CFAP53: variants seen among roughly 807,000 people sequenced by gnomAD.
The protein encoded by CFAP53 is cilia- and flagella-associated protein 53.
CFAP53 carries 62 observed loss-of-function variants against 59.7 expected under a neutral mutation model. The ratio of observed to expected loss-of-function variants is 1.04; its 90% CI spans 0.85 to 1.28. The LOEUF (loss-of-function observed/expected upper bound fraction) is 1.28. Among genes scored for constraint, CFAP53 ranks in the 50% most tolerant of loss-of-function variants. The probability of loss-of-function intolerance (pLI) is 0.00; values close to 1 mark genes in which losing one functional copy is unlikely to be tolerated. For synonymous variants in CFAP53, 218 were observed against 205.7 expected, an observed-to-expected ratio of 1.06 and a Z score of -0.51; for missense variants, 629 against 615.6, an observed-to-expected ratio of 1.02 and a Z score of -0.23.
chr18:50,266,107 G>T (rs2033965289), intron 1 of CFAP53, among the ~76,000 whole-genome samples: 1 of 152,218 alleles, frequency 6.6e-6, no homozygotes. Context: ...AACTTTGGGG[G>T]CAGATGAAAG....
intron 7 of CFAP53, among the ~76,000 whole-genome samples, chr18:50,234,386 T>C (rs532429538): frequency 6.6e-6 from 1 of 152,198 alleles, no homozygotes; most frequent in South Asian, 2.1e-4. Flanking sequence ...AACTCTTATC[T>C]GCCAGGCCCC....
intron 5 of CFAP53, among the ~76,000 whole-genome samples, chr18:50,248,368 G>A (rs1352796823): frequency 6.6e-6 from 1 of 152,198 alleles, no homozygotes; most frequent in African/African-American, 2.4e-5. Context: ...CTCATGTATT[G>A]CTGGTGGGAA....
chr18:50,263,038 G>T (rs1002566323), intron 1 of CFAP53, among the ~76,000 whole-genome samples: 1 of 152,134 alleles, frequency 6.6e-6, no homozygotes, highest in South Asian at 2.1e-4. Flanking sequence ...TACACTTAAT[G>T]AAATCACATA....
intron 5 of CFAP53, among the ~76,000 whole-genome samples, chr18:50,245,586 A>G (rs1237090071): frequency 6.6e-6 from 1 of 152,226 alleles, no homozygotes; most frequent in Non-Finnish European, 1.5e-5. Flanking sequence ...CTGAAAACTA[A>G]GAAACATTAT....
At position 50,237,237 on chromosome 18, in the gene CFAP53, G is replaced by A. The variant is rs189932473; in HGVS notation, c.1316+1366C>T. Among the ~76,000 whole-genome samples, 47 of 136,100 alleles carry A rather than the reference G, an allele frequency of 3.5e-4. No individual in the cohort carries two copies. The East Asian group carries it at 8.1e-3, about 24-fold the overall frequency. The allele number at this position is 136,100 out of a possible 152,430, so 89.3% of individuals were successfully genotyped here. ...AGAGAATTGCTTGAACCCGGGAGTC[G>A]GAGATTGCAGTAAGCCAAGATTACA... On this transcript the variant is annotated intron_variant, in intron 7 of 7. Coordinates refer to ENST00000398545, the MANE Select transcript of CFAP53 (RefSeq NM_145020.5).
chr18:50,254,040 T>C (rs2033824815), intron 3 of CFAP53, among the ~76,000 whole-genome samples: 1 of 152,072 alleles, frequency 6.6e-6, no homozygotes, highest in African/African-American at 2.4e-5. Flanking sequence ...TTTGATTTCA[T>C]TAATATTAAA....
At chr18:50,261,486 G>A (rs998960564) in intron 2 of CFAP53, among the ~76,000 whole-genome samples, 2 of 152,030 alleles carry the variant, frequency 1.3e-5, no homozygotes, top group Non-Finnish European at 1.5e-5. Flanking sequence ...TGACCTCCTG[G>A]GCTCAGGTGA....
chr18:50,266,227 C>T (rs1285472886), intron 1 of CFAP53, 109 bp downstream of exon 1: 9 of 996,040 alleles, frequency 9.0e-6, no homozygotes, highest in Non-Finnish European at 1.1e-5. Context: ...AGGCGACACC[C>T]GTTCCCCTCG....
chr18:50,231,044 C>T (rs990123154), intron 7 of CFAP53, among the ~76,000 whole-genome samples: 15 of 152,134 alleles, frequency 9.9e-5, no homozygotes, highest in Non-Finnish European at 2.2e-4. Context: ...GGACATACAG[C>T]CCTCCTGTGC....
rs2033790370 is a variant in CFAP53 at position 50,250,780 on chromosome 18, G to A, written c.974C>T (p.Ala325Val). The change falls in exon 5 of 8, where the codon GCA becomes GTA. Residue 325 changes from alanine (A) to valine (V), a missense_variant. Coordinates refer to ENST00000398545, the MANE Select transcript of CFAP53 (RefSeq NM_145020.5). The stretch of plus-strand genomic sequence containing the variant: ...TACTCTTTTTTGTTTCTTTTTATCT[G>A]CCTCTTCCTGTAAGTCTTGAAGGGC... ...QRALQDLQEE[A>V]DKKKQKREDM... The A allele has an allele frequency of 9.9e-6, 16 of 1,613,992 alleles. No individual in the cohort carries two copies. Among genetic ancestry groups the A allele is most frequent in the Non-Finnish European group, 1.4e-5 (16 of 1,179,938 alleles).
At chr18:50,253,552 T>C (rs2033820819) in intron 3 of CFAP53, among the ~76,000 whole-genome samples, 1 of 152,176 alleles carries the variant, frequency 6.6e-6, no homozygotes, top group Non-Finnish European at 1.5e-5. Flanking sequence ...ATTAAGTGCT[T>C]ATTATCTGCC....
At chr18:50,251,427 CTG>C (rs2033798107) in intron 4 of CFAP53, 52 bp downstream of exon 4, 1 of 1,488,228 alleles carries the variant, frequency 6.7e-7, no homozygotes, top group Non-Finnish European at 9.1e-7. Flanking sequence ...GGCCTGCAAA[CTG>C]TACTACACCC....
At chr18:50,253,058 C>G (rs2033816157) in intron 3 of CFAP53, among the ~76,000 whole-genome samples, 1 of 151,758 alleles carries the variant, frequency 6.6e-6, no homozygotes, top group South Asian at 2.1e-4. Context: ...GCTCTGTCGC[C>G]CAGGCTGGAG....
In CFAP53 at chr18:50,251,626, G is replaced by T; in HGVS notation, c.632C>A (p.Ala211Asp). 6.2e-7 allele frequency: 1 copy of T among 1,614,130 alleles called. No homozygotes were observed. The highest frequency in any genetic ancestry group is 8.5e-7 in the Non-Finnish European group (1 of 1,180,044). ...CTCTTGGGCTTCTCGCTTTTCCTTGGCTAATCGGTCTTCCTCCCAGAGTTT... is the reference window on the plus strand; with the variant it reads ...CTCTTGGGCTTCTCGCTTTTCCTTGTCTAATCGGTCTTCCTCCCAGAGTTT... ...FSKLWEEDRLAKEKREAQEAR... is the reference protein window; with the variant it reads ...FSKLWEEDRLDKEKREAQEAR... Residue 211 changes from alanine (A) to aspartate (D), a missense_variant, in exon 4 of 8, where the codon GCC becomes GAC. Coordinates refer to ENST00000398545, the MANE Select transcript of CFAP53 (RefSeq NM_145020.5).
chr18:50,237,351 T>TATATATATATATATATAC (rs67836600), intron 7 of CFAP53, among the ~76,000 whole-genome samples: 317 of 16,242 alleles, frequency 0.02, 56 homozygotes, highest in Non-Finnish European at 0.028. Context: ...TATATATATA[T>TATATATATATATATATAC]ACGCACACAT....
chr18:50,243,055 T>G lies in CFAP53; in HGVS notation c.1058A>C (p.Glu353Ala), dbSNP rs768060197. Reference sequence around the variant, plus strand: ...GTCAAATTCTTTCTCCTGAGCTTTTTCTTCCTCACGTCTCTGTGCCAAATA... The same window carrying G: ...GTCAAATTCTTTCTCCTGAGCTTTTGCTTCCTCACGTCTCTGTGCCAAATA... ...HKYLAQRREE[E>A]KAQEKEFDRI... is the part of the protein sequence containing the mutation. The change falls in exon 6 of 8, where the codon GAA becomes GCA. Residue 353 changes from glutamate to alanine, a missense_variant. By Grantham distance (107) the Glu-to-Ala change is moderately radical. Coordinates refer to ENST00000398545, the MANE Select transcript of CFAP53 (RefSeq NM_145020.5). 3 of 1,613,890 alleles carry G rather than the reference T, an allele frequency of 1.9e-6. No individual in the cohort carries two copies. In the South Asian group the frequency reaches 3.3e-5, roughly 18 times the overall value.
In CFAP53 at chr18:50,261,171, GGTTT is replaced by G. The variant is rs756216769; in HGVS notation, c.362_365del (p.Glu121AlafsTer9). On this transcript the variant is annotated frameshift_variant, in exon 3 of 8. Coordinates refer to ENST00000398545, the MANE Select transcript of CFAP53 (RefSeq NM_145020.5). LOFTEE classifies it high-confidence loss of function. Reference sequence around the variant, plus strand: ...TCATCCTATCTTTTTTCTCCTCAATGGTTTCTTTCTTCAATTGCATTTCTGTAAA... The same window carrying G: ...TCATCCTATCTTTTTTCTCCTCAATGCTTTCTTCAATTGCATTTCTGTAAA... 3 of 1,585,118 alleles carry G rather than the reference GGTTT, an allele frequency of 1.9e-6. No individual in the cohort carries two copies. Among genetic ancestry groups the G allele is most frequent in the Non-Finnish European group, 2.6e-6 (3 of 1,171,656 alleles).
At position 50,227,608 on chromosome 18, in the gene CFAP53, G is replaced by T; in HGVS notation, c.1318C>A (p.Arg440Ser). 1 of 1,609,546 alleles carries T rather than the reference G, an allele frequency of 6.2e-7. No individual in the cohort carries two copies. Residue 440 changes from arginine (R) to serine (S), a missense_variant and splice_region_variant, in exon 8 of 8, where the codon CGC (arginine) becomes AGC (serine). By Grantham distance (110) the Arg-to-Ser change is moderately radical. Coordinates refer to ENST00000398545, the MANE Select transcript of CFAP53 (RefSeq NM_145020.5). ...CTGTACTCCTGGGCTAAACGTTGGCGTCTAAAGTATTAGAAATGTCAAAGC... is the reference window on the plus strand; with the variant it reads ...CTGTACTCCTGGGCTAAACGTTGGCTTCTAAAGTATTAGAAATGTCAAAGC... ...NCEEKENFAR[R>S]QRLAQEYRKQ...
intron 6 of CFAP53, among the ~76,000 whole-genome samples, chr18:50,240,012 C>T (rs2033673639): frequency 6.6e-6 from 1 of 152,174 alleles, no homozygotes; most frequent in Non-Finnish European, 1.5e-5. Context: ...CAATTCTTTG[C>T]CTTCTACTTT....
Sources: gnomAD v4.1 joint callset for allele counts (sites outside exome capture counted in the v4.1 genomes callset) on GRCh38, gnomAD v4.1.1 for gene constraint, MANE v1.5 for transcripts, NCBI Gene and HGNC (gene_info 2026-07-23, HGNC 2026-07-21) for gene names.